The following NRG3 variants were observed in gnomAD, a reference collection of about 807,000 sequenced individuals.
NRG3 encodes pro-neuregulin-3, membrane-bound isoform.
A neutral mutation model predicts 66.9 loss-of-function variants in NRG3; 31 were observed. That is an observed-to-expected ratio of 0.46 (90% CI 0.35 to 0.63). The LOEUF is 0.63. Ranked by LOEUF, NRG3 falls within the 20% of genes least tolerant of loss-of-function variation. The probability of loss-of-function intolerance (pLI) is 0.00; values close to 1 mark genes in which losing one functional copy is unlikely to be tolerated. For synonymous variants in NRG3, 393 were observed against 359.4 expected, an observed-to-expected ratio of 1.09 and a Z score of -1.06; for missense variants, 910 against 878.9, an observed-to-expected ratio of 1.04 and a Z score of -0.45.
chr10:82,328,140 T>C (rs2081966037), intron 1 of NRG3, among the ~76,000 whole-genome samples: 1 of 152,182 alleles, frequency 6.6e-6, no homozygotes, highest in African/African-American at 2.4e-5. Flanking sequence ...AGAATTTGTC[T>C]CCTGAACAAA....
intron 1 of NRG3, among the ~76,000 whole-genome samples, chr10:81,926,647 T>C (rs556570591): frequency 2.1e-4 from 32 of 152,338 alleles, no homozygotes; most frequent in Non-Finnish European, 4.0e-4. Context: ...TCCCAATCTT[T>C]TATTGTGGAA....
intron 1 of NRG3, among the ~76,000 whole-genome samples, chr10:82,198,726 C>T (rs969779493): frequency 3.3e-5 from 5 of 152,084 alleles, no homozygotes; most frequent in African/African-American, 9.7e-5. Flanking sequence ...GGGCCGGGCA[C>T]GGTGGCTCAC....
At chr10:82,841,902 G>T (rs1292373799) in intron 3 of NRG3, among the ~76,000 whole-genome samples, 1 of 152,112 alleles carries the variant, frequency 6.6e-6, no homozygotes, top group Non-Finnish European at 1.5e-5. Context: ...CAAATATTGT[G>T]TCTATTGGTG....
intron 2 of NRG3, among the ~76,000 whole-genome samples, chr10:82,641,960 C>A (rs1285268971): frequency 6.6e-6 from 1 of 152,080 alleles, no homozygotes; most frequent in Non-Finnish European, 1.5e-5. Flanking sequence ...TAAGAAACTT[C>A]TTATCATCCA....
At chr10:82,532,861 A>G (rs1847429469) in intron 2 of NRG3, among the ~76,000 whole-genome samples, 1 of 151,298 alleles carries the variant, frequency 6.6e-6, no homozygotes, top group Non-Finnish European at 1.5e-5. Flanking sequence ...TTTTCCATTG[A>G]TGCCGCACCA....
chr10:82,620,587 A>G (rs1438024842), intron 2 of NRG3, among the ~76,000 whole-genome samples: 3 of 152,152 alleles, frequency 2.0e-5, no homozygotes, highest in Non-Finnish European at 4.4e-5. Flanking sequence ...GGGTCTTTAT[A>G]GGGCACAGGA....
intron 2 of NRG3, among the ~76,000 whole-genome samples, chr10:82,668,069 C>T (rs2052943550): frequency 1.3e-5 from 2 of 152,198 alleles, no homozygotes; most frequent in African/African-American, 2.4e-5. Context: ...CTCCCTCCCT[C>T]CCTTATTTTC....
chr10:82,101,378 C>G (rs2066711759), intron 1 of NRG3, among the ~76,000 whole-genome samples: 1 of 151,748 alleles, frequency 6.6e-6, no homozygotes, highest in African/African-American at 2.4e-5. Flanking sequence ...CTTCTGCTTT[C>G]TTTAGGCCTA....
intron 1 of NRG3, among the ~76,000 whole-genome samples, chr10:82,091,233 G>A (rs1441223632): frequency 3.3e-5 from 5 of 152,020 alleles, no homozygotes; most frequent in South Asian, 2.1e-4. Context: ...ACAATGTCGC[G>A]TAACTATTAT....
chr10:82,894,783 G>C (rs1229071814), intron 4 of NRG3, among the ~76,000 whole-genome samples: 2 of 152,002 alleles, frequency 1.3e-5, no homozygotes, highest in Non-Finnish European at 2.9e-5. Context: ...GAATGTGCAG[G>C]TTTGTTAAAT....
chr10:82,938,918 C>A (rs1361465504), intron 4 of NRG3, among the ~76,000 whole-genome samples: 1 of 152,160 alleles, frequency 6.6e-6, no homozygotes, highest in East Asian at 1.9e-4. Context: ...GAGTGGGGGA[C>A]AGCTATTATA....
intron 1 of NRG3, among the ~76,000 whole-genome samples, chr10:82,086,494 A>G (rs1351073705): frequency 1.3e-5 from 2 of 152,062 alleles, no homozygotes; most frequent in Non-Finnish European, 2.9e-5. Flanking sequence ...ATTTTCTCTC[A>G]TCTCTTTCAG....
At chr10:82,031,109 A>T (rs1352513038) in intron 1 of NRG3, among the ~76,000 whole-genome samples, 1 of 152,208 alleles carries the variant, frequency 6.6e-6, no homozygotes, top group African/African-American at 2.4e-5. Flanking sequence ...AAAACATTTT[A>T]CAGTACCTGT....
At chr10:82,386,907 C>G (rs1037755610) in intron 2 of NRG3, among the ~76,000 whole-genome samples, 3 of 152,180 alleles carry the variant, frequency 2.0e-5, no homozygotes, top group African/African-American at 7.2e-5. Context: ...TCAAGCTATT[C>G]TCCTGCCTCA....
chr10:82,806,900 T>C (rs2061311479), intron 3 of NRG3, among the ~76,000 whole-genome samples: 1 of 152,222 alleles, frequency 6.6e-6, no homozygotes, highest in Admixed American at 6.5e-5. Context: ...CTATTTGTCC[T>C]ACCTGCAAAT....
chr10:82,881,329 AT>A lies in NRG3; in HGVS notation c.1054+15895del, dbSNP rs1467148739. ...ATGAGTTTTTGAGGAAGAAAGTAGC[AT>A]TTAACTTACCAAAAGATGCAGTTCA... On this transcript the variant is annotated intron_variant, in intron 4 of 8. Coordinates refer to ENST00000372141, the MANE Select transcript of NRG3 (RefSeq NM_001010848.4). 2.0e-5 allele frequency among the ~76,000 whole-genome samples: 3 copies of A among 152,248 alleles called. No individual in the cohort carries two copies. The East Asian group carries it at 5.8e-4, about 29-fold the overall frequency.
At chr10:82,016,015 C>T (rs942897938) in intron 1 of NRG3, among the ~76,000 whole-genome samples, 6 of 149,798 alleles carry the variant, frequency 4.0e-5, no homozygotes, top group South Asian at 2.1e-4. Context: ...AAACTAGATA[C>T]CTTTAATAAA....
chr10:82,546,357 G>T (rs2043914889), intron 2 of NRG3, among the ~76,000 whole-genome samples: 1 of 151,994 alleles, frequency 6.6e-6, no homozygotes. Context: ...TAAATACCGA[G>T]ATAGTTTTTT....
chr10:82,092,113 A>G (rs1406839069), intron 1 of NRG3, among the ~76,000 whole-genome samples: 1 of 152,148 alleles, frequency 6.6e-6, no homozygotes, highest in Non-Finnish European at 1.5e-5. Context: ...CATGATCTCA[A>G]TCAACTTTTA....
Sources: gnomAD v4.1 joint callset for allele counts (sites outside exome capture counted in the v4.1 genomes callset) on GRCh38, gnomAD v4.1.1 for gene constraint, MANE v1.5 for transcripts, NCBI Gene and HGNC (gene_info 2026-07-23, HGNC 2026-07-21) for gene names.